The following TMEM44 variants were observed in gnomAD, a reference collection of about 807,000 sequenced individuals.
TMEM44 encodes transmembrane protein 44.
A neutral mutation model predicts 47.8 loss-of-function variants in TMEM44; 43 were observed. The observed-to-expected ratio is 0.90, with a 90% CI of 0.70 to 1.16. The LOEUF (loss-of-function observed/expected upper bound fraction) is 1.16, where lower values mean the gene tolerates loss of function less well. Ranked by LOEUF, TMEM44 falls within the 50% of genes most tolerant of loss-of-function variation. The pLI, the probability that TMEM44 is intolerant of heterozygous loss-of-function variation, is 0.00. For missense variants in TMEM44, 568 were observed against 555.2 expected (o/e 1.02, Z -0.23); for synonymous variants, 277 against 238.8 (o/e 1.16, Z -1.48).
chr3:194,620,457 T>C (rs530173268), intron 5 of TMEM44, among the ~76,000 whole-genome samples: 1 of 152,258 alleles, frequency 6.6e-6, no homozygotes, highest in African/African-American at 2.4e-5. Flanking sequence ...CCAGATTAGA[T>C]TGCTCTCTAA....
At chr3:194,617,964 G>A (rs1008101527) in intron 5 of TMEM44, among the ~76,000 whole-genome samples, 3 of 152,234 alleles carry the variant, frequency 2.0e-5, no homozygotes, top group Non-Finnish European at 4.4e-5. Context: ...TTTGCCTTCC[G>A]CCATGAGTAA....
Position 194,604,278 on chromosome 3 carries a change from G to A in TMEM44, c.1176+9C>T. On this transcript the variant is annotated intron_variant, in intron 9 of 9. Transcript: ENST00000347147. ...CCACGCACCCGCCCAGCAGGCAACA[G>A]CCGTGTACCTCCAGGTCGGAGTTGA... is the stretch of plus-strand genomic sequence containing the variant. 1 of 1,575,352 alleles carries A rather than the reference G, an allele frequency of 6.3e-7. No homozygotes were observed. Among genetic ancestry groups the A allele is most frequent in the East Asian group, 2.4e-5 (1 of 42,010 alleles).
intron 5 of TMEM44, among the ~76,000 whole-genome samples, chr3:194,618,331 T>G (rs920096167): frequency 2.6e-5 from 4 of 151,978 alleles, no homozygotes; most frequent in African/African-American, 9.7e-5. Flanking sequence ...GCAGCCTTTA[T>G]ATACAGAAAG....
At chr3:194,594,702 G>A (rs1011867755) in intron 9 of TMEM44, among the ~76,000 whole-genome samples, 2 of 151,336 alleles carry the variant, frequency 1.3e-5, no homozygotes, top group African/African-American at 4.8e-5. Flanking sequence ...AGACAGAAAT[G>A]CCGATGATAT....
At chr3:194,601,230 G>T (rs1424190429) in intron 9 of TMEM44, among the ~76,000 whole-genome samples, 1 of 149,906 alleles carries the variant, frequency 6.7e-6, no homozygotes, top group Non-Finnish European at 1.5e-5. Flanking sequence ...TGCAATCTCC[G>T]CCCCTCCGGG....
At chr3:194,604,873 T>C (rs928289023) in intron 8 of TMEM44, among the ~76,000 whole-genome samples, 7 of 152,202 alleles carry the variant, frequency 4.6e-5, no homozygotes, top group Non-Finnish European at 8.8e-5. Flanking sequence ...GTCTCTTGCT[T>C]TTGCAATCAA....
At position 194,611,199 on chromosome 3, in the gene TMEM44, A is replaced by G. The variant is rs1050674191; in HGVS notation, c.913-179T>C. Among the ~76,000 whole-genome samples the G allele has an allele frequency of 6.6e-6, 1 of 152,140 alleles. No homozygotes were observed. Among genetic ancestry groups the G allele is most frequent in the Non-Finnish European group, 1.5e-5 (1 of 68,018 alleles). On this transcript the variant is annotated intron_variant, in intron 7 of 9. Transcript: ENST00000347147. This position sits in a 1 kb window ranked among gnomAD's most constrained non-coding sequence, Gnocchi z 4.2. ...GTGTCTTATCTTTCTCTTCGAGGCC[A>G]CAGTCATTTAGTGTTTCCCAAATTT...
At chr3:194,608,714 G>C (rs80014732) in intron 8 of TMEM44, among the ~76,000 whole-genome samples, 12 of 152,156 alleles carry the variant, frequency 7.9e-5, no homozygotes, top group Non-Finnish European at 1.8e-4. Flanking sequence ...AGACAGGAGT[G>C]AACAGGAGAC....
chr3:194,617,290 GC>G, intron 5 of TMEM44, 21 bp from the exon 6 acceptor site: 1 of 1,472,524 alleles, frequency 6.8e-7, no homozygotes, highest in Non-Finnish European at 9.1e-7. Flanking sequence ...AGAGGGAGGG[GC>G]TGGGCGGGAG....
rs1228290823 is a variant in TMEM44, at chr3:194,611,325, C to T, written c.913-305G>A. On this transcript the variant is annotated intron_variant, in intron 7 of 9. Transcript: ENST00000347147. This position sits in a 1 kb window ranked among gnomAD's most constrained non-coding sequence, Gnocchi z 4.2. ...ACCAGGTTGGTCTCAAAGTCCTGGG[C>T]TCAAGTGATCCACGAGTGATCCTCC... 6.6e-6 allele frequency among the ~76,000 whole-genome samples: 1 copy of T among 152,130 alleles called. No homozygotes were observed. Among genetic ancestry groups the T allele is most frequent in the African/African-American group, 2.4e-5 (1 of 41,428 alleles).
At chr3:194,615,206 C>T (rs113071822) in intron 7 of TMEM44, among the ~76,000 whole-genome samples, 1,646 of 152,150 alleles carry the variant, frequency 0.011, 14 homozygotes, top group Non-Finnish European at 0.017. Context: ...TGTGCTACTG[C>T]ACTCCAGCCT....
At chr3:194,590,865 G>T (rs7621704) in intron 9 of TMEM44, among the ~76,000 whole-genome samples, 1 of 152,022 alleles carries the variant, frequency 6.6e-6, no homozygotes, top group South Asian at 2.1e-4. Flanking sequence ...GCAGCCTGCA[G>T]ACAGAAACCT....
At chr3:194,590,830 A>T (rs922769461) in intron 9 of TMEM44, among the ~76,000 whole-genome samples, 8 of 152,168 alleles carry the variant, frequency 5.3e-5, no homozygotes, top group Non-Finnish European at 8.8e-5. Flanking sequence ...CTGAAGAATG[A>T]TTCTTGCCAA....
intron 1 of TMEM44, among the ~76,000 whole-genome samples, chr3:194,631,793 C>G (rs1305838214): frequency 6.6e-6 from 1 of 152,180 alleles, no homozygotes; most frequent in Non-Finnish European, 1.5e-5. Flanking sequence ...TCCGAAGACA[C>G]ATTCTTCTAA....
intron 8 of TMEM44, among the ~76,000 whole-genome samples, chr3:194,609,127 G>A (rs1327787814): frequency 6.6e-6 from 1 of 152,238 alleles, no homozygotes; most frequent in Non-Finnish European, 1.5e-5. Context: ...AAGATGGGGA[G>A]AGGAGCCGGT....
At position 194,615,610 on chromosome 3, in the gene TMEM44, C is replaced by T. The variant is rs1263844819; in HGVS notation, c.871G>A (p.Ala291Thr). The change falls in exon 7 of 10, where the codon GCC becomes ACC. Residue 291 changes from alanine to threonine, a missense_variant. Coordinates refer to ENST00000347147, the MANE Select transcript of TMEM44 (RefSeq NM_001011655.3). The part of the protein sequence containing the change: ...KEARESPDTQ[A>T]LLTCAEKEEE... The stretch of plus-strand genomic sequence containing the variant: ...TCTTTCTCTGCACAGGTCAAAAGGG[C>T]TTGGGTGTCAGGGCTCTCTCTGGCT... The T allele has an allele frequency of 6.2e-7, 1 of 1,614,182 alleles. No individual in the cohort carries two copies. Among genetic ancestry groups the T allele is most frequent in the Non-Finnish European group, 8.5e-7 (1 of 1,180,030 alleles).
chr3:194,588,420 A>T lies in TMEM44; in HGVS notation c.*109T>A, dbSNP rs73195025. 0.025 allele frequency: 23,108 copies of T among 928,972 alleles called. 347 individuals are homozygous for T. Among genetic ancestry groups the T allele is most frequent in the African/African-American group, 0.047 (2,893 of 61,518 alleles). The allele number at this position is 928,972 out of a possible 1,614,324, so 57.5% of individuals were successfully genotyped here. ...GACGGCTCCTGGTTCCTCACTTGCCAGGGCAGCTTCAGTTCCTGCCGCGGT... is the reference window on the plus strand; with the variant it reads ...GACGGCTCCTGGTTCCTCACTTGCCTGGGCAGCTTCAGTTCCTGCCGCGGT... On this transcript the variant is annotated 3_prime_UTR_variant, in exon 10 of 10. Coordinates refer to ENST00000347147, the MANE Select transcript of TMEM44 (RefSeq NM_001011655.3).
At chr3:194,623,188 T>C (rs972073110) in intron 5 of TMEM44, 36 bp downstream of exon 5, 2 of 1,567,750 alleles carry the variant, frequency 1.3e-6, no homozygotes, top group South Asian at 1.2e-5. Flanking sequence ...GAGACTGTCA[T>C]GTGACCCACA....
At chr3:194,588,667 T>A in intron 9 of TMEM44, 28 bp from the exon 10 acceptor site, 1 of 1,601,194 alleles carries the variant, frequency 6.2e-7, no homozygotes, top group South Asian at 1.1e-5. Context: ...AAAGGGTAGC[T>A]GGGTGGAACG....
Sources: allele counts gnomAD v4.1 joint callset (sites outside exome capture counted in the v4.1 genomes callset), GRCh38; gene constraint gnomAD v4.1.1; non-coding constraint Gnocchi (gnomAD v3.1); transcripts MANE v1.5; gene names NCBI Gene and HGNC (gene_info 2026-07-23, HGNC 2026-07-21).